Variants in MIDN observed in about 807,000 individuals in gnomAD.
The protein encoded by MIDN is midnolin, also known as midbrain nucleolar protein.
MIDN carries 26 observed loss-of-function variants against 46.1 expected under a neutral mutation model. The observed-to-expected ratio is 0.56, with a 90% CI of 0.41 to 0.78. MIDN has a LOEUF of 0.78. Ranked by LOEUF, MIDN falls within the 30% of genes least tolerant of loss-of-function variation. The pLI is 0.00. For synonymous variants in MIDN, 432 were observed against 343.3 expected, an observed-to-expected ratio of 1.26 and a Z score of -2.86; for missense variants, 850 against 771.8, an observed-to-expected ratio of 1.10 and a Z score of -1.20.
At chr19:1,253,929 G>A (rs1286621898) in intron 4 of MIDN, 25 bp from the exon 5 acceptor site, 30 of 1,376,752 alleles carry the variant, frequency 2.2e-5, no homozygotes, top group African/African-American at 3.1e-5. Flanking sequence ...GCAGGCCCCC[G>A]TCTGACCCGC....
In MIDN at chr19:1,257,357, G is replaced by A; in HGVS notation, c.*85G>A. ...AGAGCCCCGGAGAGAACGTGGCCCAGCCCTGGAGGGCAGGCGGCCACTCCC... is the reference window on the plus strand; with the variant it reads ...AGAGCCCCGGAGAGAACGTGGCCCAACCCTGGAGGGCAGGCGGCCACTCCC... On this transcript the variant is annotated 3_prime_UTR_variant, in exon 9 of 9. Coordinates refer to ENST00000682408, the MANE Select transcript of MIDN (RefSeq NM_001388306.1). 1 of 1,103,250 alleles carries A rather than the reference G, an allele frequency of 9.1e-7. No individual in the cohort carries two copies. 68.3% of individuals were successfully genotyped at this position (1,103,250 alleles called of 1,614,324 possible). A position where few individuals can be genotyped will look rare whatever the true frequency, so the allele number is the denominator to read the frequency against.
At position 1,251,411 on chromosome 19, in the gene MIDN, G is replaced by T; in HGVS notation, c.234-151G>T. On this transcript the variant is annotated intron_variant, in intron 2 of 8. Transcript: ENST00000682408. ...ACCAGACGGAGACCTCTCTGCACGC[G>T]CTTAGGGCCCTGGATCTGGAAGCCG... 4.5e-6 allele frequency: 3 copies of T among 665,176 alleles called. No individual in the cohort carries two copies. The South Asian group carries it at 5.8e-5, about 13-fold the overall frequency. 41.2% of individuals were successfully genotyped at this position (665,176 alleles called of 1,614,324 possible). A position where few individuals can be genotyped will look rare whatever the true frequency, so the allele number is the denominator to read the frequency against.
intron 4 of MIDN, 29 bp downstream of exon 4, chr19:1,251,930 G>A (rs2145487844): frequency 1.3e-6 from 2 of 1,598,732 alleles, no homozygotes; most frequent in East Asian, 2.2e-5. Context: ...CTTCCTAACA[G>A]GGCAGCCCTG....
In MIDN at chr19:1,250,280, C is replaced by T. The variant is rs2081107775; in HGVS notation, c.-17C>T. 1 of 970,676 alleles carries T rather than the reference C, an allele frequency of 1.0e-6. No individual in the cohort carries two copies. The highest frequency in any genetic ancestry group is 1.2e-6 in the Non-Finnish European group (1 of 817,208). The allele number at this position is 970,676 out of a possible 1,614,324, so 60.1% of individuals were successfully genotyped here. A position where few individuals can be genotyped will look rare whatever the true frequency, so the allele number is the denominator to read the frequency against. On this transcript the variant is annotated 5_prime_UTR_variant, in exon 2 of 9. Coordinates refer to ENST00000682408, the MANE Select transcript of MIDN (RefSeq NM_001388306.1). ...TGGCGGCGCCCGCCGCCCCCAGCCCCCCAGCGCGCGCCGGGGATGGAGCCG... is the reference window on the plus strand; with the variant it reads ...TGGCGGCGCCCGCCGCCCCCAGCCCTCCAGCGCGCGCCGGGGATGGAGCCG...
chr19:1,257,203 C>G lies in MIDN; in HGVS notation c.1467C>G (p.Leu489=). Residue 489 remains leucine (L), a synonymous_variant, in exon 9 of 9, where the codon CTC becomes CTG. Transcript: ENST00000682408. The stretch of plus-strand genomic sequence containing the variant: ...CCAGCGAGGCCTCCGGCTTGGGCCT[C>G]GACTTCGAGGACTCCGTGTGGAAGC... ...GSPSEASGLG[L]DFEDSVWKPE... is the part of the protein sequence containing the mutation. The G allele has an allele frequency of 6.2e-7, 1 of 1,612,160 alleles. No homozygotes were observed. Among genetic ancestry groups the G allele is most frequent in the South Asian group, 1.1e-5 (1 of 91,084 alleles).
At position 1,251,909 on chromosome 19, in the gene MIDN, C is replaced by T. The variant is rs2081134275; in HGVS notation, c.384+8C>T. ...AGTCTCACGGAGACGCAGGTAAGAC[C>T]TCGCCAGCCCCTTCCTAACAGGGCA... On this transcript the variant is annotated splice_region_variant and intron_variant, in intron 4 of 8. Coordinates refer to ENST00000682408, the MANE Select transcript of MIDN (RefSeq NM_001388306.1). 6 of 1,612,016 alleles carry T rather than the reference C, an allele frequency of 3.7e-6. No homozygotes were observed. Among genetic ancestry groups the T allele is most frequent in the Non-Finnish European group, 5.1e-6 (6 of 1,178,974 alleles).
At chr19:1,255,312 C>T (rs1013007099) in intron 7 of MIDN, 110 bp from the exon 8 acceptor site, 6 of 1,361,946 alleles carry the variant, frequency 4.4e-6, no homozygotes, top group Admixed American at 4.7e-5. Flanking sequence ...GCACATCAGC[C>T]CACATGTCCA....
chr19:1,253,950 A>G lies in MIDN; in HGVS notation c.385-4A>G. On this transcript the variant is annotated splice_polypyrimidine_tract_variant and splice_region_variant and intron_variant, in intron 4 of 8. Coordinates refer to ENST00000682408, the MANE Select transcript of MIDN (RefSeq NM_001388306.1). ...CCCCGTCTGACCCGCCTCTGTCCCC[A>G]CAGCCCCCAGCGGCGCCCGGGCCGG... 4 of 1,388,944 alleles carry G rather than the reference A, an allele frequency of 2.9e-6. No homozygotes were observed. The highest frequency in any genetic ancestry group is 2.8e-6 in the Non-Finnish European group (3 of 1,078,958). 86.0% of individuals were successfully genotyped at this position (1,388,944 alleles called of 1,614,324 possible). A position where few individuals can be genotyped will look rare whatever the true frequency, so the allele number is the denominator to read the frequency against.
rs974135300 is a variant in MIDN, at chr19:1,258,492, GT to G, written c.*1225del. Reference sequence around the variant, plus strand: ...CTACTGGGGCCATTTCAATGGGGTAGTTTTTGGATTTTTTTCCCCACTCACT... The same window carrying G: ...CTACTGGGGCCATTTCAATGGGGTAGTTTTGGATTTTTTTCCCCACTCACT... On this transcript the variant is annotated 3_prime_UTR_variant, in exon 9 of 9. Coordinates refer to ENST00000682408, the MANE Select transcript of MIDN (RefSeq NM_001388306.1). 11 of 152,490 alleles carry G rather than the reference GT, an allele frequency of 7.2e-5. No homozygotes were observed. Among genetic ancestry groups the G allele is most frequent in the African/African-American group, 2.2e-4 (9 of 41,444 alleles). The allele number at this position is 152,490 out of a possible 1,614,324, so 9.4% of individuals were successfully genotyped here. A position where few individuals can be genotyped will look rare whatever the true frequency, so the allele number is the denominator to read the frequency against.
At chr19:1,252,710 G>T in intron 4 of MIDN, among the ~76,000 whole-genome samples, 1 of 152,154 alleles carries the variant, frequency 6.6e-6, no homozygotes, top group East Asian at 1.9e-4. Flanking sequence ...AGGGGTGGCC[G>T]GCTTCCCGGG....
In MIDN at chr19:1,256,977, C is replaced by G; in HGVS notation, c.1259-18C>G. On this transcript the variant is annotated intron_variant, in intron 8 of 8. Transcript: ENST00000682408. ...AGGTGGAGGCTTTGGGAGTCACAGG[C>G]CACTACCTCCTTTGCAGGGGACCGG... 6.2e-7 allele frequency: 1 copy of G among 1,605,528 alleles called. No individual in the cohort carries two copies.
At chr19:1,251,475 C>G in intron 2 of MIDN, 87 bp from the exon 3 acceptor site, 2 of 1,249,658 alleles carry the variant, frequency 1.6e-6, no homozygotes, top group Middle Eastern at 1.9e-4. Flanking sequence ...TCTCTCCCCA[C>G]ACAAGCACAG....
At chr19:1,251,491 C>G in intron 2 of MIDN, 71 bp from the exon 3 acceptor site, 1 of 1,392,888 alleles carries the variant, frequency 7.2e-7, no homozygotes, top group South Asian at 1.2e-5. Context: ...CACAGCCCTC[C>G]CCCGCGGCCT....
At chr19:1,253,657 A>C in intron 4 of MIDN, 1 of 179,324 alleles carries the variant, frequency 5.6e-6, no homozygotes, top group Non-Finnish European at 1.2e-5. Flanking sequence ...CAGGACAGAT[A>C]AATATTTATC....
chr19:1,253,747 G>A (rs961176536), intron 4 of MIDN: 4 of 251,974 alleles, frequency 1.6e-5, no homozygotes, highest in African/African-American at 7.0e-5. Flanking sequence ...TAGCTGGGAG[G>A]GGGCCTGAGG....
rs948365922 is a variant in MIDN at position 1,255,620 on chromosome 19, G to T, written c.1184G>T (p.Cys395Phe). ...GACCTGGCCCCCAGAACTACCTCCTGCGAGAAGCTCACGGCTGCCCCCTCA... is the reference window on the plus strand; with the variant it reads ...GACCTGGCCCCCAGAACTACCTCCTTCGAGAAGCTCACGGCTGCCCCCTCA... ...APDLAPRTTSCEKLTAAPSAS... is the reference protein window; with the variant it reads ...APDLAPRTTSFEKLTAAPSAS... Residue 395 changes from cysteine (C) to phenylalanine (F), a missense_variant, in exon 8 of 9, where the codon TGC becomes TTC. Cys to Phe is a radical substitution (Grantham distance 205). Coordinates refer to ENST00000682408, the MANE Select transcript of MIDN (RefSeq NM_001388306.1). 1.9e-6 allele frequency: 3 copies of T among 1,608,256 alleles called. No homozygotes were observed. The Admixed American group carries it at 5.0e-5, about 27-fold the overall frequency.
At chr19:1,255,263 A>C (rs920900669) in intron 7 of MIDN, among the ~76,000 whole-genome samples, 159 bp from the exon 8 acceptor site, 1 of 151,684 alleles carries the variant, frequency 6.6e-6, no homozygotes, top group Non-Finnish European at 1.5e-5. Flanking sequence ...GCGCCTGCAT[A>C]CTGGGGACGT....
intron 4 of MIDN, 41 bp downstream of exon 4, chr19:1,251,942 G>A (rs539224196): frequency 6.3e-7 from 1 of 1,575,980 alleles, no homozygotes; most frequent in South Asian, 1.1e-5. Flanking sequence ...GCAGCCCTGG[G>A]AGCAGGGTGC....
rs2081131330 is a variant in MIDN at position 1,251,752 on chromosome 19, C to T, written c.322-87C>T. The stretch of plus-strand genomic sequence containing the variant: ...CACACACTACCTGGGGCCCCCACCC[C>T]GCCAGCCAGCAGGGCCCTCTCCACC... On this transcript the variant is annotated intron_variant, in intron 3 of 8. Coordinates refer to ENST00000682408, the MANE Select transcript of MIDN (RefSeq NM_001388306.1). The T allele has an allele frequency of 2.6e-6, 4 of 1,532,844 alleles. No individual in the cohort carries two copies. In the South Asian group the frequency reaches 3.4e-5, roughly 13 times the overall value. 95.0% of individuals were successfully genotyped at this position (1,532,844 alleles called of 1,614,324 possible).
Sources: allele counts gnomAD v4.1 joint callset (sites outside exome capture counted in the v4.1 genomes callset), GRCh38; gene constraint gnomAD v4.1.1; transcripts MANE v1.5; gene names NCBI Gene and HGNC (gene_info 2026-07-23, HGNC 2026-07-21).